The following ACOX3 variants were observed in gnomAD, a reference collection of about 807,000 sequenced individuals.
ACOX3 encodes peroxisomal acyl-coenzyme A oxidase 3.
A neutral mutation model predicts 81.5 loss-of-function variants in ACOX3; 73 were observed. The observed-to-expected ratio is 0.90, with a 90% CI of 0.74 to 1.09. The LOEUF (loss-of-function observed/expected upper bound fraction) is 1.09, where lower values mean the gene tolerates loss of function less well. ACOX3 is among the 50% of genes least tolerant of loss of function. ACOX3 has a pLI of 0.00. For synonymous variants in ACOX3, 387 were observed against 375.1 expected (o/e 1.03, Z -0.37); for missense variants, 947 against 928.0 (o/e 1.02, Z -0.27).
rs888947698 is a variant in ACOX3 at position 8,419,561 on chromosome 4, G to C, written c.-14-3026C>G. 1.7e-4 allele frequency among the ~76,000 whole-genome samples: 26 copies of C among 152,206 alleles called. No individual in the cohort carries two copies. Among genetic ancestry groups the C allele is most frequent in the African/African-American group, 5.8e-4 (24 of 41,440 alleles). The stretch of plus-strand genomic sequence containing the variant: ...AGTGACCCAGCCATTCTGGAGAACA[G>C]TGTGGCAGTTCCACAAGTGATTAAA... On this transcript the variant is annotated intron_variant, in intron 1 of 17. Transcript: ENST00000356406. This position sits in a 1 kb window ranked among gnomAD's most constrained non-coding sequence, Gnocchi z 4.2.
At chr4:8,403,622 C>T (rs567511628) in intron 7 of ACOX3, among the ~76,000 whole-genome samples, 1 of 152,168 alleles carries the variant, frequency 6.6e-6, no homozygotes, top group Non-Finnish European at 1.5e-5. Context: ...GTGTTAGTGG[C>T]GATCCTATAG....
At chr4:8,377,593 C>T (rs1410671735) in intron 14 of ACOX3, among the ~76,000 whole-genome samples, 8 of 152,344 alleles carry the variant, frequency 5.3e-5, no homozygotes, top group East Asian at 1.9e-4. Context: ...CTGTACTCAA[C>T]GGCATCTCAG....
chr4:8,416,590 C>G lies in ACOX3; in HGVS notation c.-14-55G>C, dbSNP rs1722375849. On this transcript the variant is annotated intron_variant, in intron 1 of 17. Transcript: ENST00000356406. This position sits in a 1 kb window ranked among gnomAD's most constrained non-coding sequence, Gnocchi z 4.2. ...CTCTCCCATCTATGGGTTCAAACTA[C>G]CCCCACCAACAGGAGAGCCCGCAAC... 2.0e-6 allele frequency: 3 copies of G among 1,490,608 alleles called. No individual in the cohort carries two copies. The highest frequency in any genetic ancestry group is 2.7e-6 in the Non-Finnish European group (3 of 1,121,196). 92.3% of individuals were successfully genotyped at this position (1,490,608 alleles called of 1,614,324 possible).
chr4:8,380,207 T>A (rs1717463433), intron 14 of ACOX3, among the ~76,000 whole-genome samples: 1 of 148,064 alleles, frequency 6.8e-6, no homozygotes, highest in African/African-American at 2.5e-5. Flanking sequence ...TTTTTTTTTT[T>A]GAGATGGAGT....
In ACOX3 at chr4:8,407,701, T is replaced by A. The variant is rs976224211; in HGVS notation, c.688-1658A>T. Among the ~76,000 whole-genome samples, 2 of 152,006 alleles carry A rather than the reference T, an allele frequency of 1.3e-5. No homozygotes were observed. Among genetic ancestry groups the A allele is most frequent in the Non-Finnish European group, 2.9e-5 (2 of 67,984 alleles). ...GTGACAAAATGGCTGTGCAAATAGGTGTAGTGGGAGAAACGGCTATGAATA... is the reference window on the plus strand; with the variant it reads ...GTGACAAAATGGCTGTGCAAATAGGAGTAGTGGGAGAAACGGCTATGAATA... On this transcript the variant is annotated intron_variant, in intron 6 of 17. Coordinates refer to ENST00000356406, the MANE Select transcript of ACOX3 (RefSeq NM_003501.3). This position sits in a 1 kb window ranked among gnomAD's most constrained non-coding sequence, Gnocchi z 4.6.
At chr4:8,371,129 C>T (rs73085870) in intron 16 of ACOX3, 135 bp from the exon 17 acceptor site, 2 of 719,338 alleles carry the variant, frequency 2.8e-6, no homozygotes, top group African/African-American at 3.5e-5. Context: ...GCTCTGCTGC[C>T]CATGCGTGAT....
In ACOX3 at chr4:8,366,805, G is replaced by A. The variant is rs971659126; in HGVS notation, c.*156C>T. The A allele has an allele frequency of 1.2e-4, 122 of 1,032,138 alleles. 1 individual carries two copies. The highest frequency in any genetic ancestry group is 2.5e-4 in the South Asian group (14 of 55,798). 63.9% of individuals were successfully genotyped at this position (1,032,138 alleles called of 1,614,324 possible). ...CCGGCCGGGTGCCTCCCTCCCGTCC[G>A]CCTGGGCAGTTGAGGCCAATCAGCA... On this transcript the variant is annotated 3_prime_UTR_variant, in exon 18 of 18. Coordinates refer to ENST00000356406, the MANE Select transcript of ACOX3 (RefSeq NM_003501.3).
In ACOX3 at chr4:8,407,756, A is replaced by G. The variant is rs1372607407; in HGVS notation, c.688-1713T>C. 6.6e-6 allele frequency among the ~76,000 whole-genome samples: 1 copy of G among 152,254 alleles called. No homozygotes were observed. The highest frequency in any genetic ancestry group is 2.4e-5 in the African/African-American group (1 of 41,476). On this transcript the variant is annotated intron_variant, in intron 6 of 17. Transcript: ENST00000356406. The surrounding 1 kb of genome is among the most constrained non-coding windows in gnomAD (Gnocchi z 4.6). ...GGTCAATCACCGCTCCCCAAGATAC[A>G]GGTCCAGCCAGCTAATGGCTGCGCA...
intron 14 of ACOX3, among the ~76,000 whole-genome samples, chr4:8,380,211 A>G (rs149204478): frequency 0.017 from 2,022 of 122,512 alleles, 59 homozygotes; most frequent in African/African-American, 0.064. Flanking sequence ...TTTTTTTGAG[A>G]TGGAGTCTTG....
downstream of ACOX3, among the ~76,000 whole-genome samples, chr4:8,362,285 A>G (rs1471922881): frequency 1.3e-5 from 2 of 152,248 alleles, no homozygotes; most frequent in African/African-American, 4.8e-5. Flanking sequence ...AAACTGAAGT[A>G]ATGTTTTTAA....
At chr4:8,424,624 C>T (rs530908505) in intron 1 of ACOX3, among the ~76,000 whole-genome samples, 13 of 152,348 alleles carry the variant, frequency 8.5e-5, no homozygotes, top group African/African-American at 4.8e-5. Context: ...AGACTTACGG[C>T]TGTCAGACAA....
chr4:8,370,448 C>T lies in ACOX3; in HGVS notation c.1983+460G>A, dbSNP rs1461921390. Among the ~76,000 whole-genome samples, 1 of 151,094 alleles carries T rather than the reference C, an allele frequency of 6.6e-6. No individual in the cohort carries two copies. The highest frequency in any genetic ancestry group is 1.5e-5 in the Non-Finnish European group (1 of 67,836). On this transcript the variant is annotated intron_variant, in intron 17 of 17. Transcript: ENST00000356406. This position sits in a 1 kb window ranked among gnomAD's most constrained non-coding sequence, Gnocchi z 6.3. ...GGGAGGCGGTTGGGGGAAAGCGGGG[C>T]AGGGGAGAGTAACCCCGGTGACAAC...
At chr4:8,375,646 T>G (rs767214358) in intron 14 of ACOX3, among the ~76,000 whole-genome samples, 9 of 152,078 alleles carry the variant, frequency 5.9e-5, no homozygotes, top group Non-Finnish European at 1.0e-4. Flanking sequence ...CTCCAAAGCC[T>G]CCAAAGCAGG....
Position 8,366,958 on chromosome 4 carries a change from C to A in ACOX3, c.*3G>T. 6.2e-7 allele frequency: 1 copy of A among 1,613,638 alleles called. No individual in the cohort carries two copies. The highest frequency in any genetic ancestry group is 8.5e-7 in the Non-Finnish European group (1 of 1,179,786). ...AGACTTGGCTGAATGTGTGCCAGTC[C>A]CACTAGAGCTTCGATTTCAGACTTC... On this transcript the variant is annotated 3_prime_UTR_variant, in exon 18 of 18. Transcript: ENST00000356406.
At chr4:8,375,214 G>A in intron 14 of ACOX3, 62 bp from the exon 15 acceptor site, 1 of 1,455,010 alleles carries the variant, frequency 6.9e-7, no homozygotes, top group South Asian at 1.3e-5. Flanking sequence ...GATTCCCGGG[G>A]GAGGAAGTTC....
At chr4:8,360,016 T>A in the ACOX3 span, among the ~76,000 whole-genome samples, 1 of 152,146 alleles carries the variant, frequency 6.6e-6, no homozygotes, top group African/African-American at 2.4e-5. Context: ...TCAAGACAGC[T>A]CAGCAAACTG....
rs200719657 is a variant in ACOX3 at position 8,394,735 on chromosome 4, C to T, written c.1064G>A (p.Arg355His). The T allele has an allele frequency of 9.1e-5, 146 of 1,612,958 alleles. No individual in the cohort carries two copies. In the East Asian group the frequency reaches 1.1e-3, roughly 12 times the overall value. Residue 355 changes from arginine (R) to histidine (H), a missense_variant, in exon 10 of 18, where the codon CGC becomes CAC. By Grantham distance (29) the Arg-to-His change is conservative. Coordinates refer to ENST00000356406, the MANE Select transcript of ACOX3 (RefSeq NM_003501.3). The surrounding 1 kb of genome is among the most constrained non-coding windows in gnomAD (Gnocchi z 5.9). ...GACAGCTGCCAGATATGGAAGCAAG[C>T]GCCATTGCTAGAACAGACAAGACAC... ...PVLEYPMQQW[R>H]LLPYLAAVYA...
At chr4:8,418,260 C>G (rs1410105305) in intron 1 of ACOX3, among the ~76,000 whole-genome samples, 1 of 151,944 alleles carries the variant, frequency 6.6e-6, no homozygotes, top group African/African-American at 2.4e-5. Flanking sequence ...TGCAAAAATC[C>G]TGAATGAAAT....
chr4:8,404,298 G>A (rs929502847), intron 7 of ACOX3, among the ~76,000 whole-genome samples: 4 of 152,220 alleles, frequency 2.6e-5, no homozygotes, highest in African/African-American at 7.2e-5. Flanking sequence ...GCCGCAGGTC[G>A]GGGTGGCGCT....
Sources: allele counts gnomAD v4.1 joint callset (sites outside exome capture counted in the v4.1 genomes callset), GRCh38; gene constraint gnomAD v4.1.1; non-coding constraint Gnocchi (gnomAD v3.1); transcripts MANE v1.5; gene names NCBI Gene and HGNC (gene_info 2026-07-23, HGNC 2026-07-21).